BBS9: variants seen among roughly 807,000 people sequenced by gnomAD.
BBS9 encodes the protein protein PTHB1.
Under a neutral mutation model 117.7 loss-of-function variants are expected in BBS9, and 89 were observed. The observed-to-expected ratio is 0.76, with a 90% CI of 0.64 to 0.90. The LOEUF (loss-of-function observed/expected upper bound fraction) is 0.90. Among genes scored for constraint, BBS9 ranks in the 40% least tolerant of loss-of-function variants. BBS9 has a pLI of 0.00. For synonymous variants in BBS9, 379 were observed against 370.9 expected (o/e 1.02, Z -0.25); for missense variants, 982 against 1,042.2 (o/e 0.94, Z 0.80).
At chr7:33,455,345 A>C (rs1163667722) in intron 19 of BBS9, among the ~76,000 whole-genome samples, 1 of 152,140 alleles carries the variant, frequency 6.6e-6, no homozygotes, top group Non-Finnish European at 1.5e-5. Context: ...TTCTGAGATG[A>C]GATAGCGATT....
intron 5 of BBS9, among the ~76,000 whole-genome samples, chr7:33,220,174 C>G (rs1562821550): frequency 6.6e-6 from 1 of 152,122 alleles, no homozygotes; most frequent in Admixed American, 6.5e-5. Context: ...TTCTTAGAGT[C>G]TTATAATTGC....
At chr7:33,341,936 T>A (rs1196405919) in intron 11 of BBS9, among the ~76,000 whole-genome samples, 1 of 152,074 alleles carries the variant, frequency 6.6e-6, no homozygotes, top group Non-Finnish European at 1.5e-5. Flanking sequence ...CAGAAATTGG[T>A]GTAGAAATTG....
At chr7:33,264,509 A>G (rs531605590) in intron 7 of BBS9, 135 bp downstream of exon 7, 5 of 523,812 alleles carry the variant, frequency 9.5e-6, no homozygotes, top group Non-Finnish European at 1.3e-5. Context: ...TGGTTATATT[A>G]ATGACCTAAG....
At chr7:33,448,765 G>T (rs1390778937) in intron 19 of BBS9, among the ~76,000 whole-genome samples, 1 of 152,194 alleles carries the variant, frequency 6.6e-6, no homozygotes, top group Non-Finnish European at 1.5e-5. Context: ...AATGTTCCCT[G>T]AGCAGTAACC....
chr7:33,368,667 A>G (rs138933826), intron 17 of BBS9, among the ~76,000 whole-genome samples: 1 of 151,868 alleles, frequency 6.6e-6, no homozygotes, highest in Non-Finnish European at 1.5e-5. Flanking sequence ...TTAAAAAAAA[A>G]ACTCTAGTTT....
At chr7:33,429,677 AT>A (rs1563165108) in intron 19 of BBS9, among the ~76,000 whole-genome samples, 2 of 148,072 alleles carry the variant, frequency 1.4e-5, no homozygotes, top group African/African-American at 5.3e-5. Flanking sequence ...TTATTTATTT[AT>A]TTTTTTCTGT....
At chr7:33,471,574 C>T (rs1841042197) in intron 19 of BBS9, among the ~76,000 whole-genome samples, 1 of 152,160 alleles carries the variant, frequency 6.6e-6, no homozygotes, top group African/African-American at 2.4e-5. Context: ...AGGGCATTCT[C>T]ATTAGTGACA....
intron 19 of BBS9, among the ~76,000 whole-genome samples, chr7:33,400,400 T>C (rs901914328): frequency 4.6e-5 from 7 of 152,178 alleles, no homozygotes; most frequent in Admixed American, 1.3e-4. Flanking sequence ...GTATGAGGAT[T>C]TCTTTCATTT....
At chr7:33,298,219 G>T (rs961726452) in intron 9 of BBS9, among the ~76,000 whole-genome samples, 14 of 151,878 alleles carry the variant, frequency 9.2e-5, no homozygotes, top group Admixed American at 2.6e-4. Context: ...TAGTGTTGGG[G>T]TATTATAAAG....
At chr7:33,176,792 CA>C (rs960351929) in intron 4 of BBS9, among the ~76,000 whole-genome samples, 1 of 151,838 alleles carries the variant, frequency 6.6e-6, no homozygotes. Context: ...TTTTTCTTTC[CA>C]ACACACTTTT....
At chr7:33,606,560 T>C (rs1864581219), downstream of BBS9, among the ~76,000 whole-genome samples, 1 of 152,180 alleles carries the variant, frequency 6.6e-6, no homozygotes, top group Non-Finnish European at 1.5e-5. Flanking sequence ...CAGAGTAAGA[T>C]GCCTCTTGGA....
At chr7:33,204,946 C>T (rs1347751750) in intron 5 of BBS9, among the ~76,000 whole-genome samples, 1 of 152,030 alleles carries the variant, frequency 6.6e-6, no homozygotes, top group Non-Finnish European at 1.5e-5. Context: ...ACTTTTATAC[C>T]CAAAAGGATT....
chr7:33,528,621 A>G (rs1850053448), intron 20 of BBS9, among the ~76,000 whole-genome samples: 1 of 152,210 alleles, frequency 6.6e-6, no homozygotes, highest in Non-Finnish European at 1.5e-5. Context: ...AGTCTCTTCC[A>G]CTTAAGATTT....
chr7:33,405,997 C>G (rs1829900667), intron 19 of BBS9, among the ~76,000 whole-genome samples: 1 of 151,908 alleles, frequency 6.6e-6, no homozygotes, highest in South Asian at 2.1e-4. Flanking sequence ...TATAAATTTC[C>G]CTCTACACAC....
rs1330881968 is a variant in BBS9, at chr7:33,605,907, G to A, written c.*681G>A. ...CATCCCCTTTTCATTACCCCATTGG[G>A]TGGCACCTTTTAAAAATCCAGGTTA... On this transcript the variant is annotated 3_prime_UTR_variant, in exon 23 of 23. Transcript: ENST00000242067. 6.6e-6 allele frequency: 1 copy of A among 152,260 alleles called. No homozygotes were observed. The highest frequency in any genetic ancestry group is 1.5e-5 in the Non-Finnish European group (1 of 68,130). 9.4% of individuals were successfully genotyped at this position (152,260 alleles called of 1,614,324 possible). A position where few individuals can be genotyped will look rare whatever the true frequency, so the allele number is the denominator to read the frequency against.
rs28627185 is a variant in BBS9, at chr7:33,290,645, A to C, written c.1016+16689A>C. Among the ~76,000 whole-genome samples the C allele has an allele frequency of 8.2e-3, 1,255 of 152,310 alleles. 25 individuals carry two copies. Among genetic ancestry groups the C allele is most frequent in the South Asian group, 0.048 (233 of 4,832 alleles). ...GATTTGGTCTTTAAATTTTTAAAAAATTTTTTAGTGTGTGTAGCATAGTGA... is the reference window on the plus strand; with the variant it reads ...GATTTGGTCTTTAAATTTTTAAAAACTTTTTTAGTGTGTGTAGCATAGTGA... On this transcript the variant is annotated intron_variant, in intron 9 of 22. Coordinates refer to ENST00000242067, the MANE Select transcript of BBS9 (RefSeq NM_198428.3).
chr7:33,409,950 C>A (rs1232237073), intron 19 of BBS9, among the ~76,000 whole-genome samples: 1 of 152,052 alleles, frequency 6.6e-6, no homozygotes, highest in Non-Finnish European at 1.5e-5. Context: ...TTTCACCATG[C>A]CTTTTCCAGT....
At chr7:33,449,142 G>T (rs1014226037) in intron 19 of BBS9, among the ~76,000 whole-genome samples, 1 of 152,202 alleles carries the variant, frequency 6.6e-6, no homozygotes, top group African/African-American at 2.4e-5. Flanking sequence ...CTGAGTCCTT[G>T]TGCTGGGCAT....
chr7:33,146,424 G>A, intron 2 of BBS9, 60 bp downstream of exon 2: 1 of 1,354,230 alleles, frequency 7.4e-7, no homozygotes, highest in Non-Finnish European at 1.1e-6. Context: ...AATAAGACTG[G>A]GCACGGTGGC....
Sources: gnomAD v4.1 joint callset for allele counts (sites outside exome capture counted in the v4.1 genomes callset) on GRCh38, gnomAD v4.1.1 for gene constraint, MANE v1.5 for transcripts, NCBI Gene and HGNC (gene_info 2026-07-23, HGNC 2026-07-21) for gene names.